NLGN1: variants seen among roughly 807,000 people sequenced by gnomAD.
NLGN1 encodes the protein neuroligin-1.
In NLGN1, 12 loss-of-function variants were observed where a neutral mutation model predicts 65.5. The ratio of observed to expected loss-of-function variants is 0.18; its 90% CI spans 0.12 to 0.30. The LOEUF (loss-of-function observed/expected upper bound fraction) is 0.30, where lower values mean the gene tolerates loss of function less well. Ranked by LOEUF, NLGN1 falls within the 10% of genes least tolerant of loss-of-function variation. The pLI is 1.00. For synonymous variants in NLGN1, 350 were observed against 359.5 expected, an observed-to-expected ratio of 0.97 and a Z score of 0.30; for missense variants, 750 against 1,007.1, an observed-to-expected ratio of 0.74 and a Z score of 3.46.
intron 2 of NLGN1, among the ~76,000 whole-genome samples, chr3:173,514,225 A>G (rs1280380602): frequency 6.6e-6 from 1 of 152,090 alleles, no homozygotes; most frequent in Non-Finnish European, 1.5e-5. Context: ...CTATTTTTTG[A>G]GATTTTTAAA....
At chr3:173,903,456 AC>A (rs1315635045) in intron 4 of NLGN1, among the ~76,000 whole-genome samples, 1 of 152,156 alleles carries the variant, frequency 6.6e-6, no homozygotes, top group African/African-American at 2.4e-5. Context: ...TAATCTTTGT[AC>A]TTTGATTATC....
chr3:173,696,626 A>G (rs183132068), intron 3 of NLGN1, among the ~76,000 whole-genome samples: 3 of 152,284 alleles, frequency 2.0e-5, no homozygotes, highest in African/African-American at 7.2e-5. Context: ...CTGGGAAGAC[A>G]ACTCTGTTTA....
chr3:173,972,954 G>A (rs1716608283), intron 4 of NLGN1, among the ~76,000 whole-genome samples: 1 of 152,102 alleles, frequency 6.6e-6, no homozygotes, highest in South Asian at 2.1e-4. Flanking sequence ...TAGAGTCTAA[G>A]AACCACTGTT....
At chr3:173,706,047 TTAAA>T (rs1281120921) in intron 3 of NLGN1, among the ~76,000 whole-genome samples, 2 of 152,190 alleles carry the variant, frequency 1.3e-5, no homozygotes, top group African/African-American at 4.8e-5. Flanking sequence ...TGATTAAACT[TTAAA>T]TAAGTAAAAG....
At chr3:173,818,147 C>T (rs901918170) in intron 4 of NLGN1, among the ~76,000 whole-genome samples, 6 of 152,132 alleles carry the variant, frequency 3.9e-5, no homozygotes, top group African/African-American at 1.4e-4. Flanking sequence ...GCCACTATAG[C>T]CTTCTAATTA....
intron 4 of NLGN1, among the ~76,000 whole-genome samples, chr3:174,193,478 G>T (rs945586001): frequency 6.6e-6 from 1 of 152,092 alleles, no homozygotes; most frequent in Admixed American, 6.6e-5. Context: ...TTTGAACTGC[G>T]AGGTTTCAAG....
intron 3 of NLGN1, among the ~76,000 whole-genome samples, chr3:173,643,991 C>A (rs1757821415): frequency 6.6e-6 from 1 of 152,198 alleles, no homozygotes; most frequent in Non-Finnish European, 1.5e-5. Context: ...CCACCAGCTG[C>A]AGATCACCTG....
intron 4 of NLGN1, among the ~76,000 whole-genome samples, chr3:174,256,576 G>T (rs1349199037): frequency 6.6e-6 from 1 of 151,808 alleles, no homozygotes; most frequent in South Asian, 2.1e-4. Flanking sequence ...GCGGTGTGTT[G>T]GTACTTCTAT....
intron 2 of NLGN1, among the ~76,000 whole-genome samples, chr3:173,530,120 A>G (rs1401792036): frequency 6.6e-6 from 1 of 151,918 alleles, no homozygotes; most frequent in Admixed American, 6.5e-5. Flanking sequence ...ATGCCTGGCT[A>G]ATTTTTGTAT....
intron 4 of NLGN1, among the ~76,000 whole-genome samples, chr3:174,066,558 CTCTCTCTGTGTG>C (rs1738634446): frequency 7.5e-6 from 1 of 134,172 alleles, no homozygotes; most frequent in African/African-American, 3.1e-5. Context: ...CTCTCTCTCT[CTCTCTCTGTGTG>C]TGTGTGTGTG....
At chr3:173,578,347 C>T (rs1368387792) in intron 2 of NLGN1, among the ~76,000 whole-genome samples, 2 of 151,880 alleles carry the variant, frequency 1.3e-5, no homozygotes. Flanking sequence ...CATTAAGTTG[C>T]TAATTGAACA....
chr3:174,166,847 A>G (rs963093389), intron 4 of NLGN1, among the ~76,000 whole-genome samples: 1 of 152,058 alleles, frequency 6.6e-6, no homozygotes, highest in Non-Finnish European at 1.5e-5. Context: ...GTACTTTTTT[A>G]TGAATACGGG....
At position 173,526,321 on chromosome 3, in the gene NLGN1, C is replaced by G. The variant is rs573895669; in HGVS notation, c.-320-77958C>G. ...TGCTGTATCATTATATAATGCCTTT[C>G]CTTGTCTTTTTTTTTAACTGTTGTT... On this transcript the variant is annotated intron_variant, in intron 2 of 6. Transcript: ENST00000457714. Among the ~76,000 whole-genome samples the G allele has an allele frequency of 3.2e-4, 47 of 148,260 alleles. 1 individual carries two copies. Among genetic ancestry groups the G allele is most frequent in the African/African-American group, 1.2e-3 (44 of 38,022 alleles).
intron 4 of NLGN1, among the ~76,000 whole-genome samples, chr3:174,038,289 C>T (rs1363475421): frequency 1.3e-5 from 2 of 152,138 alleles, no homozygotes; most frequent in Non-Finnish European, 2.9e-5. Context: ...CAAGGCTAGT[C>T]GCTCTGCAAC....
chr3:173,416,198 A>G (rs1713761226), intron 1 of NLGN1, among the ~76,000 whole-genome samples: 1 of 152,230 alleles, frequency 6.6e-6, no homozygotes, highest in Non-Finnish European at 1.5e-5. Flanking sequence ...AGGAGTGAGC[A>G]TAGATGCTCA....
intron 4 of NLGN1, among the ~76,000 whole-genome samples, chr3:173,880,954 C>T (rs1733108103): frequency 6.6e-6 from 1 of 152,126 alleles, no homozygotes. Context: ...CAACTATATG[C>T]ACAGCATCTA....
intron 2 of NLGN1, among the ~76,000 whole-genome samples, chr3:173,542,707 A>C (rs1040087806): frequency 2.6e-5 from 4 of 152,026 alleles, no homozygotes; most frequent in African/African-American, 9.7e-5. Context: ...ACTTCTCTTT[A>C]GAGGCTTTCA....
intron 4 of NLGN1, among the ~76,000 whole-genome samples, chr3:173,941,168 C>T (rs551217055): frequency 6.6e-5 from 10 of 152,012 alleles, no homozygotes; most frequent in East Asian, 5.8e-4. Context: ...TCCAATTATC[C>T]GAAGATCATA....
rs188678115 is a variant in NLGN1, at chr3:173,490,261, T to A, written c.-321+55183T>A. The stretch of plus-strand genomic sequence containing the variant: ...TTAAGCCTTTAATCCATCTTGAATT[T>A]ATTTTTGTGTAAGGTGTAAGGAAGG... On this transcript the variant is annotated intron_variant, in intron 2 of 6. Transcript: ENST00000457714. Among the ~76,000 whole-genome samples, 1,364 of 152,204 alleles carry A rather than the reference T, an allele frequency of 9.0e-3. 23 individuals carry two copies. The highest frequency in any genetic ancestry group is 0.032 in the African/African-American group (1,315 of 41,530).
Sources: allele counts gnomAD v4.1 joint callset (sites outside exome capture counted in the v4.1 genomes callset), GRCh38; gene constraint gnomAD v4.1.1; transcripts MANE v1.5; gene names NCBI Gene and HGNC (gene_info 2026-07-23, HGNC 2026-07-21).